The following TCF4 variants were observed in gnomAD, a reference collection of about 807,000 sequenced individuals.
TCF4 encodes the protein transcription factor 4, also known as SL3-3 enhancer factor 2.
Under a neutral mutation model 82.1 loss-of-function variants are expected in TCF4, and 3 were observed. That is an observed-to-expected ratio of 0.04 (90% CI 0.02 to 0.09). The LOEUF (loss-of-function observed/expected upper bound fraction) is 0.09, where lower values mean the gene tolerates loss of function less well. Ranked by LOEUF, TCF4 falls within the 10% of genes least tolerant of loss-of-function variation. The pLI is 1.00. For synonymous variants in TCF4, 276 were observed against 309.6 expected (o/e 0.89, Z 1.14); for missense variants, 518 against 852.7 (o/e 0.61, Z 4.89).
intron 8 of TCF4, among the ~76,000 whole-genome samples, chr18:55,301,812 A>AAAAAG (rs1555848542): frequency 4.0e-5 from 4 of 101,002 alleles, no homozygotes; most frequent in Admixed American, 1.0e-4. Flanking sequence ...AAAAAAAAAA[A>AAAAAG]GTGGGGGGGG....
intron 3 of TCF4, among the ~76,000 whole-genome samples, chr18:55,548,211 CT>C (rs2097223137): frequency 6.6e-6 from 1 of 152,186 alleles, no homozygotes; most frequent in Middle Eastern, 3.2e-3. Flanking sequence ...GCTTTGTTTT[CT>C]GACAATTCTG....
chr18:55,464,864 C>T (rs1270306352), intron 3 of TCF4, among the ~76,000 whole-genome samples: 2 of 152,070 alleles, frequency 1.3e-5, no homozygotes, highest in Admixed American at 6.5e-5. Context: ...CATGAACCAT[C>T]GAAAAGTTGG....
chr18:55,563,057 T>C (rs1382112801), intron 3 of TCF4, among the ~76,000 whole-genome samples: 1 of 151,982 alleles, frequency 6.6e-6, no homozygotes, highest in Non-Finnish European at 1.5e-5. Context: ...CTGGGCAACA[T>C]GCTGAAACCC....
At chr18:55,369,921 G>A (rs1046412128) in intron 6 of TCF4, among the ~76,000 whole-genome samples, 9 of 152,126 alleles carry the variant, frequency 5.9e-5, no homozygotes, top group Non-Finnish European at 5.9e-5. Flanking sequence ...ATTTGTGTGT[G>A]TGTGTGTGTG....
At chr18:55,621,186 AT>A (rs917055446) in intron 2 of TCF4, among the ~76,000 whole-genome samples, 47 of 151,456 alleles carry the variant, frequency 3.1e-4, no homozygotes, top group African/African-American at 1.1e-3. Flanking sequence ...CTAGGCCTTC[AT>A]TTTTTCATCT....
intron 3 of TCF4, chr18:55,546,987 G>A (rs189720202): frequency 1.3e-5 from 2 of 152,352 alleles, no homozygotes; most frequent in African/African-American, 4.8e-5. Context: ...TGCATTGTGT[G>A]GGCTGAGGAA....
At chr18:55,228,145 A>G (rs1432671536) in intron 19 of TCF4, 76 bp downstream of exon 19, 3 of 1,583,344 alleles carry the variant, frequency 1.9e-6, no homozygotes, top group East Asian at 4.5e-5. Context: ...AATTTGGGTG[A>G]AATTCACTTT....
intron 3 of TCF4, among the ~76,000 whole-genome samples, chr18:55,524,306 T>G (rs182173857): frequency 1.3e-4 from 20 of 152,226 alleles, no homozygotes; most frequent in Non-Finnish European, 2.6e-4. Flanking sequence ...AAATCTTACA[T>G]TTGTGCTGAG....
intron 3 of TCF4, among the ~76,000 whole-genome samples, chr18:55,488,672 A>G (rs967604286): frequency 2.6e-5 from 4 of 152,206 alleles, no homozygotes; most frequent in Non-Finnish European, 5.9e-5. Context: ...AGGAAGGAGA[A>G]AGCAAACGGC....
chr18:55,313,354 C>T (rs2073135479), intron 8 of TCF4, among the ~76,000 whole-genome samples: 1 of 152,058 alleles, frequency 6.6e-6, no homozygotes, highest in Non-Finnish European at 1.5e-5. Flanking sequence ...TAAATTATTA[C>T]ACAGGACAAA....
upstream of TCF4, among the ~76,000 whole-genome samples, chr18:55,592,476 T>C (rs1568479079): frequency 6.6e-6 from 1 of 152,196 alleles, no homozygotes; most frequent in Non-Finnish European, 1.5e-5. Flanking sequence ...AATGCCATCA[T>C]GGAGGCTCCC....
chr18:55,382,806 G>A (rs1331676767), intron 6 of TCF4, among the ~76,000 whole-genome samples: 4 of 152,154 alleles, frequency 2.6e-5, no homozygotes, highest in African/African-American at 4.8e-5. Flanking sequence ...GTGCTATTTT[G>A]GGAGTATGTT....
At chr18:55,338,498 C>G (rs1006251852) in intron 8 of TCF4, among the ~76,000 whole-genome samples, 1 of 152,204 alleles carries the variant, frequency 6.6e-6, no homozygotes. Context: ...ATTCTATTCA[C>G]TCCCTGCCAG....
At chr18:55,464,015 T>C in intron 4 of TCF4, 61 bp downstream of exon 4, 1 of 1,460,690 alleles carries the variant, frequency 6.8e-7, no homozygotes, top group South Asian at 1.1e-5. Context: ...ACACACCTTC[T>C]GTTTGTCAAT....
At chr18:55,392,649 C>T (rs1308985309) in intron 6 of TCF4, among the ~76,000 whole-genome samples, 5 of 152,056 alleles carry the variant, frequency 3.3e-5, no homozygotes, top group Admixed American at 1.3e-4. Flanking sequence ...ACCACTCCCT[C>T]GGTCCAGTTA....
intron 3 of TCF4, among the ~76,000 whole-genome samples, chr18:55,541,939 T>C (rs576396620): frequency 9.9e-5 from 15 of 152,068 alleles, no homozygotes; most frequent in Middle Eastern, 3.4e-3. Flanking sequence ...CCACTGAGAA[T>C]GTAGATTTAT....
intron 3 of TCF4, among the ~76,000 whole-genome samples, chr18:55,526,423 G>C (rs988194046): frequency 1.3e-5 from 2 of 152,012 alleles, no homozygotes; most frequent in Non-Finnish European, 2.9e-5. Context: ...TTACATTATT[G>C]GTGATTTCTA....
intron 8 of TCF4, among the ~76,000 whole-genome samples, chr18:55,345,970 A>C (rs2081085257): frequency 6.6e-6 from 1 of 152,186 alleles, no homozygotes; most frequent in African/African-American, 2.4e-5. Context: ...AATAAGGAAA[A>C]AACAGTTTAC....
intron 6 of TCF4, chr18:55,402,343 G>A (rs1333265589): frequency 1.1e-5 from 5 of 455,718 alleles, no homozygotes; most frequent in African/African-American, 2.1e-5. Context: ...TCATAGGCTC[G>A]ATTTAATTAC....
Sources: allele counts gnomAD v4.1 joint callset (sites outside exome capture counted in the v4.1 genomes callset), GRCh38; gene constraint gnomAD v4.1.1; transcripts MANE v1.5; gene names NCBI Gene and HGNC (gene_info 2026-07-23, HGNC 2026-07-21).